OPCML: variants seen among roughly 807,000 people sequenced by gnomAD.
OPCML encodes the protein opioid-binding protein/cell adhesion molecule.
A neutral mutation model predicts 37.8 loss-of-function variants in OPCML; 13 were observed. The observed-to-expected ratio is 0.34, with a 90% CI of 0.22 to 0.55. The LOEUF (loss-of-function observed/expected upper bound fraction) is 0.55. Among genes scored for constraint, OPCML ranks in the 20% least tolerant of loss-of-function variants. The pLI, the probability that OPCML is intolerant of heterozygous loss-of-function variation, is 0.91. For synonymous variants in OPCML, 176 were observed against 168.8 expected, an observed-to-expected ratio of 1.04 and a Z score of -0.33; for missense variants, 341 against 435.6, an observed-to-expected ratio of 0.78 and a Z score of 1.93.
intron 1 of OPCML, among the ~76,000 whole-genome samples, chr11:133,175,081 T>A (rs1178825301): frequency 6.6e-6 from 1 of 152,220 alleles, no homozygotes; most frequent in Non-Finnish European, 1.5e-5. Context: ...GCCTTGTTAA[T>A]CTTGGAAGTA....
At position 133,206,980 on chromosome 11, in the gene OPCML, A is replaced by C. The variant is rs1939092951; in HGVS notation, c.62-263970T>G. 6.6e-6 allele frequency among the ~76,000 whole-genome samples: 1 copy of C among 152,074 alleles called. No individual in the cohort carries two copies. The highest frequency in any genetic ancestry group is 1.5e-5 in the Non-Finnish European group (1 of 68,006). ...ATGCACTCACGTGATCTCTCAGAGG[A>C]ACGCCATAGAAAATCTCCTTCTAAG... On this transcript the variant is annotated intron_variant, in intron 1 of 7. Coordinates refer to ENST00000524381, the MANE Select transcript of OPCML (RefSeq NM_001012393.5). This position sits in a 1 kb window ranked among gnomAD's most constrained non-coding sequence, Gnocchi z 4.7.
intron 4 of OPCML, among the ~76,000 whole-genome samples, chr11:132,471,961 G>A (rs877264): frequency 0.54 from 82,014 of 151,910 alleles, 22,869 homozygotes; most frequent in East Asian, 0.85. Flanking sequence ...ACACAGACAC[G>A]GTGGAGGAGT....
At chr11:133,286,708 A>T (rs1942310086) in intron 1 of OPCML, among the ~76,000 whole-genome samples, 1 of 152,130 alleles carries the variant, frequency 6.6e-6, no homozygotes, top group Non-Finnish European at 1.5e-5. Flanking sequence ...TAACCTCAAG[A>T]ATGTGGAGCA....
At chr11:132,970,367 A>C (rs1946314431) in intron 1 of OPCML, among the ~76,000 whole-genome samples, 1 of 152,206 alleles carries the variant, frequency 6.6e-6, no homozygotes, top group Admixed American at 6.5e-5. Flanking sequence ...CATACAAATA[A>C]AAATGCAAAG....
chr11:133,510,286 C>T (rs909482450), intron 1 of OPCML, among the ~76,000 whole-genome samples: 1 of 152,308 alleles, frequency 6.6e-6, no homozygotes, highest in African/African-American at 2.4e-5. Context: ...ACAGAGTAAA[C>T]TTCCTGCAAG....
At chr11:132,469,909 T>C (rs1170572789) in intron 4 of OPCML, among the ~76,000 whole-genome samples, 6 of 130,700 alleles carry the variant, frequency 4.6e-5, no homozygotes, top group African/African-American at 1.7e-4. Flanking sequence ...TATGTGTCTG[T>C]ATATGTGTGT....
chr11:133,028,710 T>A (rs114731784), intron 1 of OPCML, among the ~76,000 whole-genome samples: 238 of 151,958 alleles, frequency 1.6e-3, no homozygotes, highest in African/African-American at 5.4e-3. Context: ...AAAATCAACT[T>A]AAGATGGATT....
intron 2 of OPCML, among the ~76,000 whole-genome samples, chr11:132,823,860 C>T (rs1045763838): frequency 3.3e-5 from 5 of 152,152 alleles, no homozygotes; most frequent in African/African-American, 9.7e-5. Context: ...AGCATTTACA[C>T]GGATGGCCAT....
intron 1 of OPCML, among the ~76,000 whole-genome samples, chr11:133,291,651 C>T (rs547344826): frequency 3.3e-5 from 5 of 152,332 alleles, no homozygotes; most frequent in East Asian, 1.9e-4. Context: ...TTTTGGCAAA[C>T]GGTGAGATCA....
rs113278322 is a variant in OPCML at position 132,623,505 on chromosome 11, A to G, written c.379+33582T>C. ...TTCTACAAATTGCTCCCTGGAAAGT[A>G]CTTCCATTTTCTAATTGTTCATAAA... On this transcript the variant is annotated intron_variant, in intron 3 of 7. Transcript: ENST00000524381. Among the ~76,000 whole-genome samples the G allele has an allele frequency of 5.0e-3, 760 of 152,284 alleles. 5 individuals carry two copies. The Middle Eastern group carries it at 0.088, about 18-fold the overall frequency.
At chr11:132,500,087 G>C (rs1237918453) in intron 4 of OPCML, among the ~76,000 whole-genome samples, 1 of 152,210 alleles carries the variant, frequency 6.6e-6, no homozygotes. Context: ...TGATGTTAAA[G>C]TAAGTCTAAC....
At chr11:133,089,575 A>G (rs1458649976) in intron 1 of OPCML, among the ~76,000 whole-genome samples, 1 of 152,216 alleles carries the variant, frequency 6.6e-6, no homozygotes, top group Non-Finnish European at 1.5e-5. Context: ...CCACTCTCTA[A>G]GGGCACATAA....
chr11:133,129,012 C>T (rs925894530), intron 1 of OPCML, among the ~76,000 whole-genome samples: 5 of 152,066 alleles, frequency 3.3e-5, no homozygotes, highest in Non-Finnish European at 5.9e-5. Context: ...CAGAGGTCCG[C>T]GAGAGCTGGA....
chr11:132,970,220 C>A (rs745952391), intron 1 of OPCML, among the ~76,000 whole-genome samples: 1 of 152,230 alleles, frequency 6.6e-6, no homozygotes, highest in Non-Finnish European at 1.5e-5. Context: ...ATGTTTTTCA[C>A]TTTTAAATTC....
intron 1 of OPCML, among the ~76,000 whole-genome samples, chr11:133,331,757 T>G (rs1373927099): frequency 6.6e-6 from 1 of 152,160 alleles, no homozygotes; most frequent in Non-Finnish European, 1.5e-5. Flanking sequence ...CCTTCTACCT[T>G]TCCATTATTG....
chr11:133,202,620 G>A (rs768124958), intron 1 of OPCML, among the ~76,000 whole-genome samples: 22 of 152,320 alleles, frequency 1.4e-4, no homozygotes, highest in African/African-American at 4.3e-4. Flanking sequence ...CCTTGTTTTC[G>A]ATGATTTCAA....
intron 1 of OPCML, among the ~76,000 whole-genome samples, chr11:133,148,153 C>T (rs1188118479): frequency 6.6e-6 from 1 of 152,206 alleles, no homozygotes; most frequent in Non-Finnish European, 1.5e-5. Context: ...CCAGAGGTCT[C>T]ATTTCCCTCC....
At chr11:133,471,439 A>T (rs1947112268) in intron 1 of OPCML, among the ~76,000 whole-genome samples, 1 of 152,228 alleles carries the variant, frequency 6.6e-6, no homozygotes. Flanking sequence ...AGAGACAGAC[A>T]GAGAGCTAGA....
chr11:132,912,051 G>T (rs1944445316), intron 2 of OPCML, among the ~76,000 whole-genome samples: 1 of 152,024 alleles, frequency 6.6e-6, no homozygotes. Flanking sequence ...ATTAAGCTCT[G>T]GGACCATTAG....
Sources: allele counts gnomAD v4.1 joint callset (sites outside exome capture counted in the v4.1 genomes callset), GRCh38; gene constraint gnomAD v4.1.1; non-coding constraint Gnocchi (gnomAD v3.1); transcripts MANE v1.5; gene names NCBI Gene and HGNC (gene_info 2026-07-23, HGNC 2026-07-21).